Variants in NAV1 observed in about 807,000 individuals in gnomAD.
NAV1 encodes the protein neuron navigator 1, also known as pore membrane and/or filament interacting like protein 3.
Under a neutral mutation model 175.2 loss-of-function variants are expected in NAV1, and 18 were observed. The ratio of observed to expected loss-of-function variants is 0.10; its 90% CI spans 0.07 to 0.15. The LOEUF (loss-of-function observed/expected upper bound fraction) is 0.15, where lower values mean the gene tolerates loss of function less well. NAV1 is among the 10% of genes least tolerant of loss of function. The probability of loss-of-function intolerance (pLI) is 1.00; values close to 1 mark genes in which losing one functional copy is unlikely to be tolerated. For synonymous variants in NAV1, 897 were observed against 978.7 expected (o/e 0.92, Z 1.56); for missense variants, 1,731 against 2,436.6 (o/e 0.71, Z 6.10).
At chr1:201,819,392 A>C (rs1679254325) in intron 29 of NAV1, among the ~76,000 whole-genome samples, 1 of 152,106 alleles carries the variant, frequency 6.6e-6, no homozygotes, top group Admixed American at 6.5e-5. Context: ...GCCTTTTCAC[A>C]AACCACTCTA....
chr1:201,649,447 C>T, intron 1 of NAV1, 22 bp downstream of exon 5: 2 of 1,483,092 alleles, frequency 1.3e-6, no homozygotes, highest in East Asian at 2.5e-5. Flanking sequence ...CGCCCCGCCC[C>T]GCCCCGCCCC....
intron 1 of NAV1, among the ~76,000 whole-genome samples, chr1:201,582,112 C>A (rs866469178): frequency 6.6e-6 from 1 of 152,056 alleles, no homozygotes; most frequent in Non-Finnish European, 1.5e-5. Flanking sequence ...ACAAACAGAC[C>A]AGGAACAGAG....
intron 28 of NAV1, among the ~76,000 whole-genome samples, chr1:201,815,870 C>G (rs1172794461): frequency 6.6e-6 from 1 of 152,058 alleles, no homozygotes; most frequent in Non-Finnish European, 1.5e-5. Flanking sequence ...TCCCAAGTAG[C>G]TGGGATTACA....
chr1:201,812,048 C>A lies in NAV1; in HGVS notation c.5024+74C>A. On this transcript the variant is annotated intron_variant, in intron 26 of 29. Coordinates refer to ENST00000367296, the Ensembl canonical transcript of NAV1. The surrounding 1 kb of genome is among the most constrained non-coding windows in gnomAD (Gnocchi z 4.6). ...TCAATCCTGGACTCTGGCCAGGAGGCAGTAGATAGGAGAAGGAAAGAGAAG... is the reference window on the plus strand; with the variant it reads ...TCAATCCTGGACTCTGGCCAGGAGGAAGTAGATAGGAGAAGGAAAGAGAAG... 1 of 1,369,462 alleles carries A rather than the reference C, an allele frequency of 7.3e-7. No homozygotes were observed. Among genetic ancestry groups the A allele is most frequent in the Non-Finnish European group, 1.0e-6 (1 of 958,200 alleles). The allele number at this position is 1,369,462 out of a possible 1,614,324, so 84.8% of individuals were successfully genotyped here. A position where few individuals can be genotyped will look rare whatever the true frequency, so the allele number is the denominator to read the frequency against.
intron 3 of NAV1, among the ~76,000 whole-genome samples, chr1:201,721,128 C>G (rs907371814): frequency 6.6e-6 from 1 of 151,890 alleles, no homozygotes; most frequent in Admixed American, 6.6e-5. Flanking sequence ...CCCTGCACAG[C>G]CCCCAGCTGT....
At chr1:201,605,749 T>C (rs1667656020) in intron 2 of NAV1, among the ~76,000 whole-genome samples, 1 of 152,188 alleles carries the variant, frequency 6.6e-6, no homozygotes, top group Admixed American at 6.5e-5. Flanking sequence ...TGCATCTGAA[T>C]TGGGCCATGC....
chr1:201,574,821 TG>T lies in NAV1; in HGVS notation c.-143-13717del, dbSNP rs143317915. Among the ~76,000 whole-genome samples the T allele has an allele frequency of 1.6e-3, 251 of 152,254 alleles. 2 individuals are homozygous for T. In the East Asian group the frequency reaches 0.039, roughly 24 times the overall value. ...TTATCCTCTGCACAGACAGATTCAGTGTCTCAGGTGGAAGGAAGGAGAGCTG... is the reference window on the plus strand; with the variant it reads ...TTATCCTCTGCACAGACAGATTCAGTTCTCAGGTGGAAGGAAGGAGAGCTG... On this transcript the variant is annotated intron_variant, in intron 1 of 33. Coordinates refer to the NAV1 transcript ENST00000685211.
chr1:201,540,529 T>C (rs1665483166), intron 1 of NAV1, among the ~76,000 whole-genome samples: 1 of 152,190 alleles, frequency 6.6e-6, no homozygotes, highest in Non-Finnish European at 1.5e-5. Context: ...GCAAAAAGAA[T>C]GGCCTCCCCA....
intron 3 of NAV1, among the ~76,000 whole-genome samples, chr1:201,756,929 G>A (rs1285555358): frequency 6.8e-6 from 1 of 147,726 alleles, no homozygotes; most frequent in Non-Finnish European, 1.5e-5. Context: ...TGATTGATCA[G>A]AAAATGATTC....
At chr1:201,625,680 G>GT (rs1668308773) in intron 1 of NAV1, among the ~76,000 whole-genome samples, 1 of 152,170 alleles carries the variant, frequency 6.6e-6, no homozygotes. Context: ...TTAGTAAAAT[G>GT]TTTCCCTGGT....
chr1:201,716,345 C>T (rs927579724), intron 2 of NAV1, among the ~76,000 whole-genome samples: 3 of 152,214 alleles, frequency 2.0e-5, no homozygotes, highest in African/African-American at 4.8e-5. Flanking sequence ...ACACATCCAT[C>T]GTGGGTTTGC....
At chr1:201,640,630 A>T (rs1182154556) in intron 2 of NAV1, among the ~76,000 whole-genome samples, 1 of 152,218 alleles carries the variant, frequency 6.6e-6, no homozygotes. Flanking sequence ...AGCTTCCTTC[A>T]AAGGAGCAAG....
At chr1:201,715,211 G>T (rs1324600819) in intron 2 of NAV1, among the ~76,000 whole-genome samples, 1 of 149,822 alleles carries the variant, frequency 6.7e-6, no homozygotes, top group African/African-American at 2.5e-5. Context: ...TCCCAGGCTG[G>T]AGTGCCTTGG....
chr1:201,623,115 C>T (rs532539393), exon 1 of NAV1: 2 of 986,036 alleles, frequency 2.0e-6, no homozygotes, highest in Non-Finnish European at 2.4e-6. Context: ...GGGGGAGAGG[C>T]TCTCCCAAGT....
intron 2 of NAV1, among the ~76,000 whole-genome samples, chr1:201,614,155 G>C (rs185241153): frequency 6.0e-4 from 92 of 152,280 alleles, no homozygotes; most frequent in Non-Finnish European, 1.1e-3. Context: ...CGTGAGTTCA[G>C]AGATACTCCA....
chr1:201,608,729 G>C (rs761265537), intron 2 of NAV1, among the ~76,000 whole-genome samples: 1 of 152,188 alleles, frequency 6.6e-6, no homozygotes, highest in Non-Finnish European at 1.5e-5. Context: ...GGGTCAGCTG[G>C]GGGAGGAGGG....
rs1465706389 is a variant in NAV1, at chr1:201,642,175, T to C, written c.5-6459T>C. On this transcript the variant is annotated intron_variant, in intron 2 of 29. Coordinates refer to the NAV1 transcript ENST00000367302. ...TTCTTTCTCTCTCCCCTCCCTTCCT[T>C]CCTTCCTTCCTTCCCTCCTTTCTTC... is the stretch of plus-strand genomic sequence containing the variant. 1.7e-3 allele frequency among the ~76,000 whole-genome samples: 219 copies of C among 130,126 alleles called. 1 individual carries two copies. Among genetic ancestry groups the C allele is most frequent in the Non-Finnish European group, 2.4e-3 (154 of 63,884 alleles). 85.4% of individuals were successfully genotyped at this position (130,126 alleles called of 152,430 possible). A position where few individuals can be genotyped will look rare whatever the true frequency, so the allele number is the denominator to read the frequency against.
At chr1:201,670,243 G>T (rs899651632) in intron 1 of NAV1, among the ~76,000 whole-genome samples, 1 of 151,584 alleles carries the variant, frequency 6.6e-6, no homozygotes. Flanking sequence ...AGCCGGGCGT[G>T]GTGGTGGGCA....
intron 1 of NAV1, 32 bp downstream of exon 3, chr1:201,623,638 G>A (rs991705903): frequency 2.0e-6 from 2 of 986,536 alleles, no homozygotes; most frequent in Admixed American, 6.1e-5. Flanking sequence ...GAGGGAAGGG[G>A]GAAGAGCCAT....
Sources: allele counts gnomAD v4.1 joint callset (sites outside exome capture counted in the v4.1 genomes callset), GRCh38; gene constraint gnomAD v4.1.1; non-coding constraint Gnocchi (gnomAD v3.1); transcripts MANE v1.5; gene names NCBI Gene and HGNC (gene_info 2026-07-23, HGNC 2026-07-21).